UIMC1: variants seen among roughly 807,000 people sequenced by gnomAD.
UIMC1 encodes the protein ubiquitin interaction motif containing 1.
UIMC1 carries 42 observed loss-of-function variants against 84.9 expected under a neutral mutation model. The observed-to-expected ratio is 0.49, with a 90% CI of 0.39 to 0.64. The LOEUF (loss-of-function observed/expected upper bound fraction) is 0.64, where lower values mean the gene tolerates loss of function less well. Ranked by LOEUF, UIMC1 falls within the 30% of genes least tolerant of loss-of-function variation. The probability of loss-of-function intolerance (pLI) is 0.00; values close to 1 mark genes in which losing one functional copy is unlikely to be tolerated. For synonymous variants in UIMC1, 281 were observed against 293.0 expected, an observed-to-expected ratio of 0.96 and a Z score of 0.42; for missense variants, 825 against 847.6, an observed-to-expected ratio of 0.97 and a Z score of 0.33.
chr5:177,015,281 C>T (rs539811259), intron 1 of UIMC1, among the ~76,000 whole-genome samples: 250 of 152,288 alleles, frequency 1.6e-3, no homozygotes, highest in African/African-American at 5.8e-3. Flanking sequence ...TACCTAAGAT[C>T]ACATAACTCA....
At chr5:176,964,308 A>G (rs1019148099) in intron 6 of UIMC1, among the ~76,000 whole-genome samples, 56 of 152,232 alleles carry the variant, frequency 3.7e-4, no homozygotes, top group African/African-American at 1.3e-3. Context: ...TAAAGGTACA[A>G]TTATTTGTTG....
At chr5:176,920,329 A>T (rs1331904842) in intron 10 of UIMC1, among the ~76,000 whole-genome samples, 1 of 152,148 alleles carries the variant, frequency 6.6e-6, no homozygotes, top group Non-Finnish European at 1.5e-5. Context: ...TGCCCAGCCT[A>T]GCTGGGATTT....
At chr5:176,985,895 T>G (rs1281622046) in intron 1 of UIMC1, among the ~76,000 whole-genome samples, 1 of 152,192 alleles carries the variant, frequency 6.6e-6, no homozygotes, top group Non-Finnish European at 1.5e-5. Flanking sequence ...ACTAATAAGC[T>G]AACATCATGT....
At chr5:176,942,477 T>C (rs1026621386) in intron 10 of UIMC1, among the ~76,000 whole-genome samples, 1 of 151,306 alleles carries the variant, frequency 6.6e-6, no homozygotes, top group Admixed American at 6.6e-5. Flanking sequence ...GCGTGGTGGC[T>C]TACACCTGTA....
At chr5:176,979,499 A>T (rs1271057768) in intron 2 of UIMC1, among the ~76,000 whole-genome samples, 11 of 151,996 alleles carry the variant, frequency 7.2e-5, no homozygotes, top group Non-Finnish European at 1.5e-4. Flanking sequence ...GCTACTCAAG[A>T]GGCTGAGGCA....
chr5:176,929,114 G>A (rs955877874), intron 10 of UIMC1, among the ~76,000 whole-genome samples: 3 of 151,730 alleles, frequency 2.0e-5, no homozygotes, highest in Middle Eastern at 3.2e-3. Flanking sequence ...AATTAGCCAG[G>A]GGTGGTGGCG....
At chr5:177,012,042 C>T (rs1471081796) in intron 1 of UIMC1, among the ~76,000 whole-genome samples, 2 of 152,090 alleles carry the variant, frequency 1.3e-5, no homozygotes, top group Admixed American at 6.6e-5. Flanking sequence ...CCTCATGATC[C>T]GCCCGTCTTG....
intron 1 of UIMC1, among the ~76,000 whole-genome samples, chr5:177,012,861 T>C (rs1042530765): frequency 4.6e-5 from 7 of 151,886 alleles, no homozygotes; most frequent in Non-Finnish European, 8.8e-5. Flanking sequence ...GGATTACTTA[T>C]GGCCAGGAGT....
At chr5:177,019,313 G>A (rs1449922733) in intron 1 of UIMC1, among the ~76,000 whole-genome samples, 1 of 152,100 alleles carries the variant, frequency 6.6e-6, no homozygotes, top group Non-Finnish European at 1.5e-5. Flanking sequence ...AGGATTAAAT[G>A]CTATAATGTA....
chr5:176,972,694 C>T (rs1240719303), intron 3 of UIMC1, among the ~76,000 whole-genome samples: 1 of 152,054 alleles, frequency 6.6e-6, no homozygotes, highest in Non-Finnish European at 1.5e-5. Flanking sequence ...CAAGATCACG[C>T]AACTGCGCTC....
At chr5:177,003,572 G>C (rs999490455) in intron 1 of UIMC1, among the ~76,000 whole-genome samples, 1 of 152,146 alleles carries the variant, frequency 6.6e-6, no homozygotes, top group South Asian at 2.1e-4. Flanking sequence ...AGAATCACTT[G>C]AACCCGGGAA....
rs34922824 is a variant in UIMC1 at position 176,986,538 on chromosome 5, CAAA to C, written c.-8-3918_-8-3916del. ...GGGCAACAGAGCAAGACCCTGTCTC[CAAA>C]AAAAAAAAAAAAAAAAGGCTGGGCA... On this transcript the variant is annotated intron_variant, in intron 1 of 14. Coordinates refer to ENST00000511320, the MANE Select transcript of UIMC1 (RefSeq NM_001199298.2). Among the ~76,000 whole-genome samples, 73 of 79,376 alleles carry C rather than the reference CAAA, an allele frequency of 9.2e-4. 1 individual carries two copies. Among genetic ancestry groups the C allele is most frequent in the African/African-American group, 4.2e-3 (71 of 17,074 alleles). The allele number at this position is 79,376 out of a possible 152,430, so 52.1% of individuals were successfully genotyped here. A position where few individuals can be genotyped will look rare whatever the true frequency, so the allele number is the denominator to read the frequency against.
At chr5:176,997,879 C>G (rs1351311258) in intron 1 of UIMC1, among the ~76,000 whole-genome samples, 1 of 152,068 alleles carries the variant, frequency 6.6e-6, no homozygotes, top group Non-Finnish European at 1.5e-5. Context: ...TCTATACTTG[C>G]TTCTTATGAA....
chr5:176,985,001 C>A (rs958882059), intron 1 of UIMC1, among the ~76,000 whole-genome samples: 6 of 152,062 alleles, frequency 3.9e-5, no homozygotes, highest in Non-Finnish European at 8.8e-5. Flanking sequence ...GACCTTTGTT[C>A]ATGTGTTTAT....
chr5:176,965,284 G>A (rs1294316276), intron 6 of UIMC1, among the ~76,000 whole-genome samples: 1 of 151,940 alleles, frequency 6.6e-6, no homozygotes, highest in Non-Finnish European at 1.5e-5. Flanking sequence ...TTAGGCGGGT[G>A]TGGTGGCGGG....
rs1341067633 is a variant in UIMC1 at position 176,982,578 on chromosome 5, T to C, written c.38A>G (p.Glu13Gly). 2 of 1,613,984 alleles carry C rather than the reference T, an allele frequency of 1.2e-6. No individual in the cohort carries two copies. Among genetic ancestry groups the C allele is most frequent in the Non-Finnish European group, 1.7e-6 (2 of 1,180,022 alleles). ...RRKKKVKEVSESRNLEKKDVE... is the reference protein window; with the variant it reads ...RRKKKVKEVSGSRNLEKKDVE... ...ATCCTTCTTCTCCAGGTTCCGAGAT[T>C]CGGAGACTTCTTTAACTTTTTTCTT... Residue 13 changes from glutamate to glycine, a missense_variant, in exon 2 of 15, where the codon GAA becomes GGA. Glu to Gly is a moderately conservative substitution (Grantham distance 98). Transcript: ENST00000511320.
intron 10 of UIMC1, among the ~76,000 whole-genome samples, chr5:176,938,493 C>A (rs1306589975): frequency 6.6e-6 from 1 of 152,134 alleles, no homozygotes; most frequent in Non-Finnish European, 1.5e-5. Context: ...ACCTATACCC[C>A]CAAGCTCTGT....
chr5:176,997,033 C>T (rs977452880), intron 1 of UIMC1, among the ~76,000 whole-genome samples: 9 of 150,434 alleles, frequency 6.0e-5, no homozygotes, highest in African/African-American at 2.0e-4. Context: ...CACGCGTGCG[C>T]ACACACACAC....
At chr5:176,981,691 C>CA (rs1484846369) in intron 2 of UIMC1, among the ~76,000 whole-genome samples, 1 of 151,794 alleles carries the variant, frequency 6.6e-6, no homozygotes, top group Non-Finnish European at 1.5e-5. Flanking sequence ...GTCCCAACTA[C>CA]ATGGGAGGCT....
Sources: gnomAD v4.1 joint callset for allele counts (sites outside exome capture counted in the v4.1 genomes callset) on GRCh38, gnomAD v4.1.1 for gene constraint, MANE v1.5 for transcripts, NCBI Gene and HGNC (gene_info 2026-07-23, HGNC 2026-07-21) for gene names.